DNAH3: variants seen among roughly 807,000 people sequenced by gnomAD.
The protein encoded by DNAH3 is axonemal beta dynein heavy chain 3.
A neutral mutation model predicts 432.5 loss-of-function variants in DNAH3; 332 were observed. The ratio of observed to expected loss-of-function variants is 0.77; its 90% confidence interval spans 0.70 to 0.84. DNAH3 has a LOEUF of 0.84. Among genes scored for constraint, DNAH3 ranks in the 40% least tolerant of loss-of-function variants. The probability of loss-of-function intolerance (pLI) is 0.00; values close to 1 mark genes in which losing one functional copy is unlikely to be tolerated. For missense variants in DNAH3, 4,861 were observed against 5,114.0 expected, an observed-to-expected ratio of 0.95 and a Z score of 1.51; for synonymous variants, 1,956 against 1,900.2, an observed-to-expected ratio of 1.03 and a Z score of -0.76.
At chr16:20,991,212 G>T (rs1423111563) in intron 44 of DNAH3, among the ~76,000 whole-genome samples, 1 of 151,354 alleles carries the variant, frequency 6.6e-6, no homozygotes, top group Non-Finnish European at 1.5e-5. Flanking sequence ...GTGTTTATTT[G>T]TAGACACCAG....
At chr16:21,125,074 G>T in intron 9 of DNAH3, 101 bp downstream of exon 10, 4 of 924,434 alleles carry the variant, frequency 4.3e-6, no homozygotes, top group Non-Finnish European at 4.7e-6. Flanking sequence ...TTCACTTTGT[G>T]CCCTGGCTCA....
rs2090754339 is a variant in DNAH3, at chr16:21,070,840, T to C, written c.3085-14A>G. On this transcript the variant is annotated splice_polypyrimidine_tract_variant and intron_variant, in intron 21 of 61. Coordinates refer to ENST00000261383, the Ensembl canonical transcript of DNAH3. ...GATGTTTGTATCCTGTAAATAAAGATGCCCCACCCTGTCAAGATTGTGAAA... is the reference window on the plus strand; with the variant it reads ...GATGTTTGTATCCTGTAAATAAAGACGCCCCACCCTGTCAAGATTGTGAAA... 3.4e-6 allele frequency: 5 copies of C among 1,471,808 alleles called. No homozygotes were observed. The highest frequency in any genetic ancestry group is 3.8e-6 in the Non-Finnish European group (4 of 1,053,044). 91.2% of individuals were successfully genotyped at this position (1,471,808 alleles called of 1,614,324 possible).
chr16:21,063,909 C>T (rs2090451083), intron 24 of DNAH3, among the ~76,000 whole-genome samples: 1 of 152,162 alleles, frequency 6.6e-6, no homozygotes, highest in South Asian at 2.1e-4. Context: ...AAAGCAGCAA[C>T]AACAAACCTT....
chr16:21,123,457 T>C (rs1440580530), intron 9 of DNAH3, among the ~76,000 whole-genome samples: 1 of 152,218 alleles, frequency 6.6e-6, no homozygotes, highest in Non-Finnish European at 1.5e-5. Flanking sequence ...TGTGGAATTT[T>C]AGAGTGAGAT....
chr16:21,091,386 T>C (rs330155), intron 18 of DNAH3, among the ~76,000 whole-genome samples: 1 of 151,282 alleles, frequency 6.6e-6, no homozygotes, highest in African/African-American at 2.4e-5. Context: ...AAAAAAGAAA[T>C]AGAAAGAAAA....
exon 49 of DNAH3, chr16:20,982,762 T>C: frequency 6.2e-7 from 1 of 1,614,094 alleles, no homozygotes; most frequent in South Asian, 1.1e-5. Flanking sequence ...CCTCTAGAAA[T>C]TTGTTAGCCA....
chr16:21,134,328 T>G, exon 7 of DNAH3: 1 of 1,614,152 alleles, frequency 6.2e-7, no homozygotes, highest in African/African-American at 1.3e-5. Flanking sequence ...CTCGTTCCAC[T>G]TCTTGGCGCT....
At chr16:21,098,438 C>CAAAAA (rs57032212) in intron 17 of DNAH3, among the ~76,000 whole-genome samples, 178 bp downstream of exon 17, 140 of 59,492 alleles carry the variant, frequency 2.4e-3, no homozygotes, top group Middle Eastern at 7.7e-3. Context: ...GACCTTGTCT[C>CAAAAA]AAAAAAAAAA....
chr16:21,067,772 G>GA (rs376704368), intron 23 of DNAH3, among the ~76,000 whole-genome samples: 1 of 23,716 alleles, frequency 4.2e-5, no homozygotes, highest in Non-Finnish European at 7.1e-5. Context: ...GGGGGGGTGG[G>GA]GAGGGAGAGA....
intron 16 of DNAH3, among the ~76,000 whole-genome samples, chr16:21,099,213 AG>A (rs562720391): frequency 1.3e-5 from 2 of 151,638 alleles, no homozygotes; most frequent in Non-Finnish European, 3.0e-5. Flanking sequence ...ATTTTAACTG[AG>A]GGAGACCTAG....
chr16:21,094,619 C>T (rs1006468177), intron 18 of DNAH3, among the ~76,000 whole-genome samples: 2 of 150,892 alleles, frequency 1.3e-5, no homozygotes, highest in African/African-American at 2.4e-5. Context: ...TGCAGTGAGC[C>T]GAGATCACAC....
rs2092777944 is a variant in DNAH3 at position 21,145,970 on chromosome 16, C to T, written c.222+14G>A. On this transcript the variant is annotated intron_variant, in intron 2 of 61. Coordinates refer to ENST00000261383, the Ensembl canonical transcript of DNAH3. ...TCACCCTCAACAGAAGAGCTGGCAG[C>T]CAGGTGTGCATACCTGATAGAGTCC... 2.6e-6 allele frequency: 4 copies of T among 1,544,214 alleles called. No individual in the cohort carries two copies. Among genetic ancestry groups the T allele is most frequent in the Admixed American group, 1.7e-5 (1 of 59,878 alleles).
intron 19 of DNAH3, among the ~76,000 whole-genome samples, chr16:21,084,506 G>C (rs1332265426): frequency 1.3e-5 from 2 of 152,032 alleles, no homozygotes; most frequent in Non-Finnish European, 2.9e-5. Context: ...TGTATTTCTT[G>C]ATGGGGTTTT....
rs777995910 is a variant in DNAH3, at chr16:20,936,762, TAA to T, written c.11744_11745del (p.Phe3915Ter). On this transcript the variant is annotated frameshift_variant, in exon 60 of 62. Transcript: ENST00000261383. LOFTEE classifies it high-confidence loss of function. ...GGCACTTTACCCACAAGCATGCTGTTAAAGACTTCCTCTAGCTCCGAGGACAT... is the reference window on the plus strand; with the variant it reads ...GGCACTTTACCCACAAGCATGCTGTTAGACTTCCTCTAGCTCCGAGGACAT... 6.2e-7 allele frequency: 1 copy of T among 1,613,346 alleles called. No individual in the cohort carries two copies. The highest frequency in any genetic ancestry group is 1.7e-4 in the Middle Eastern group (1 of 5,994).
chr16:21,140,554 T>A, exon 5 of DNAH3: 1 of 1,614,092 alleles, frequency 6.2e-7, no homozygotes, highest in African/African-American at 1.3e-5. Flanking sequence ...CCGATTCAGA[T>A]GGCTTCTTTT....
exon 53 of DNAH3, chr16:20,964,596 C>T (rs1026822437): frequency 6.2e-7 from 1 of 1,614,196 alleles, no homozygotes; most frequent in Non-Finnish European, 8.5e-7. Flanking sequence ...TATTCGCCTT[C>T]TCCATGTTCT....
intron 41 of DNAH3, among the ~76,000 whole-genome samples, chr16:21,006,094 C>G (rs1037560612): frequency 1.3e-5 from 2 of 152,074 alleles, no homozygotes; most frequent in Non-Finnish European, 2.9e-5. Context: ...ATTATTTGGT[C>G]TCCATATCAA....
At chr16:20,937,053 A>G (rs2083617743) in intron 59 of DNAH3, among the ~76,000 whole-genome samples, 200 bp from the exon 60 acceptor site, 1 of 152,220 alleles carries the variant, frequency 6.6e-6, no homozygotes, top group African/African-American at 2.4e-5. Context: ...TGTGAACACA[A>G]ATTATTTTTA....
chr16:20,965,141 G>C (rs149944339), exon 53 of DNAH3: 2 of 1,614,124 alleles, frequency 1.2e-6, no homozygotes, highest in Non-Finnish European at 1.7e-6. Flanking sequence ...TGTGCAGCCA[G>C]CTTCCCCTCT....
Sources: allele counts gnomAD v4.1 joint callset (sites outside exome capture counted in the v4.1 genomes callset), GRCh38; gene constraint gnomAD v4.1.1; transcripts MANE v1.5; gene names NCBI Gene and HGNC (gene_info 2026-07-23, HGNC 2026-07-21).